The following NPHP4 variants were observed in gnomAD, a reference collection of about 807,000 sequenced individuals.
NPHP4 encodes the protein nephrocystin 4, also known as nephrocystin-4.
A neutral mutation model predicts 155.8 loss-of-function variants in NPHP4; 151 were observed. The ratio of observed to expected loss-of-function variants is 0.97; its 90% CI spans 0.85 to 1.11. The LOEUF is 1.11. NPHP4 is among the 50% of genes least tolerant of loss of function. The pLI, the probability that NPHP4 is intolerant of heterozygous loss-of-function variation, is 0.00. For synonymous variants in NPHP4, 845 were observed against 816.8 expected (o/e 1.03, Z -0.59); for missense variants, 1,956 against 1,925.7 (o/e 1.02, Z -0.29).
At chr1:5,990,343 A>G (rs1250489886) in intron 1 of NPHP4, among the ~76,000 whole-genome samples, 1 of 152,156 alleles carries the variant, frequency 6.6e-6, no homozygotes, top group Non-Finnish European at 1.5e-5. Context: ...AATGCCCTGG[A>G]GGAAGTGCAG....
chr1:5,955,680 G>A (rs923523273), intron 6 of NPHP4, among the ~76,000 whole-genome samples: 7 of 152,210 alleles, frequency 4.6e-5, no homozygotes. Flanking sequence ...TCATATGTGG[G>A]ATCTCAAAAA....
At chr1:5,914,486 C>A (rs1381319890) in intron 11 of NPHP4, among the ~76,000 whole-genome samples, 1 of 152,140 alleles carries the variant, frequency 6.6e-6, no homozygotes, top group Non-Finnish European at 1.5e-5. Context: ...TGCCAGGCTG[C>A]GGTGTCCATG....
At chr1:5,974,556 G>A (rs1180122293) in intron 3 of NPHP4, among the ~76,000 whole-genome samples, 1 of 152,102 alleles carries the variant, frequency 6.6e-6, no homozygotes, top group Admixed American at 6.5e-5. Context: ...CTGGCTCAGA[G>A]GAAGTGGAGG....
Position 5,914,257 on chromosome 1 carries a change from C to CAAAAAAAAAAAAAAA in NPHP4, c.1442-5059_1442-5045dup, listed in dbSNP as rs575438284. ...GCAACATGGCAAAATCTTATCTATA[C>CAAAAAAAAAAAAAAA]AAAAAAAAAAAAAAAAAAAAAAAAA... On this transcript the variant is annotated intron_variant, in intron 11 of 29. Transcript: ENST00000378156. 2.3e-4 allele frequency among the ~76,000 whole-genome samples: 11 copies of CAAAAAAAAAAAAAAA among 47,394 alleles called. 1 individual carries two copies. The highest frequency in any genetic ancestry group is 1.8e-3 in the East Asian group (2 of 1,108). 31.1% of individuals were successfully genotyped at this position (47,394 alleles called of 152,430 possible). A position where few individuals can be genotyped will look rare whatever the true frequency, so the allele number is the denominator to read the frequency against.
chr1:5,921,199 G>A (rs1046055860), intron 11 of NPHP4, among the ~76,000 whole-genome samples: 5 of 152,294 alleles, frequency 3.3e-5, no homozygotes, highest in Middle Eastern at 3.4e-3. Context: ...CACCTGATAC[G>A]CATAGATCTA....
intron 26 of NPHP4, chr1:5,865,934 G>A: frequency 4.7e-6 from 1 of 214,336 alleles, no homozygotes; most frequent in Non-Finnish European, 9.5e-6. Flanking sequence ...TCCGACTTAG[G>A]AGGGGAGGGG....
At chr1:5,947,004 T>C (rs1447177155) in intron 9 of NPHP4, 100 bp downstream of exon 9, 4 of 1,196,348 alleles carry the variant, frequency 3.3e-6, no homozygotes, top group Admixed American at 3.5e-5. Context: ...ATAATAATCA[T>C]GCCTGTTTTT....
chr1:5,893,109 A>C (rs1644220246), intron 16 of NPHP4, among the ~76,000 whole-genome samples: 1 of 152,200 alleles, frequency 6.6e-6, no homozygotes, highest in South Asian at 2.1e-4. Context: ...CAGAAAAAAC[A>C]ACTTTTCAAG....
intron 9 of NPHP4, among the ~76,000 whole-genome samples, chr1:5,945,009 C>T (rs530703948): frequency 8.5e-5 from 13 of 152,294 alleles, no homozygotes; most frequent in African/African-American, 3.1e-4. Flanking sequence ...TCACCCGCAC[C>T]CGCACCCCAG....
intron 10 of NPHP4, among the ~76,000 whole-genome samples, 183 bp from the exon 11 acceptor site, chr1:5,927,970 T>A (rs772701574): frequency 2.6e-5 from 4 of 152,184 alleles, no homozygotes; most frequent in Non-Finnish European, 4.4e-5. Flanking sequence ...TGGTGTGGCA[T>A]TAAAAGCCCT....
At chr1:5,977,844 G>GGGAAGAAA (rs1653920850) in intron 3 of NPHP4, among the ~76,000 whole-genome samples, 1 of 119,332 alleles carries the variant, frequency 8.4e-6, no homozygotes, top group South Asian at 3.1e-4. Flanking sequence ...ACAGGAGGGA[G>GGGAAGAAA]GGAAGAAAGG....
chr1:5,918,734 T>C lies in NPHP4; in HGVS notation c.1441+8915A>G, dbSNP rs150225208. Reference sequence around the variant, plus strand: ...TACAAACTTTATCACAGCATCCTTGTAAACTAGAGGAAATTGGCCATTTTT... The same window carrying C: ...TACAAACTTTATCACAGCATCCTTGCAAACTAGAGGAAATTGGCCATTTTT... On this transcript the variant is annotated intron_variant, in intron 11 of 29. Coordinates refer to ENST00000378156, the MANE Select transcript of NPHP4 (RefSeq NM_015102.5). Among the ~76,000 whole-genome samples, 18 of 152,346 alleles carry C rather than the reference T, an allele frequency of 1.2e-4. No individual in the cohort carries two copies. The East Asian group carries it at 3.5e-3, about 29-fold the overall frequency.
chr1:5,967,271 T>C, intron 5 of NPHP4, 28 bp downstream of exon 5: 1 of 1,575,400 alleles, frequency 6.3e-7, no homozygotes, highest in East Asian at 2.3e-5. Context: ...GAGCAGTGAG[T>C]GCTGCCAAGG....
At chr1:5,936,831 T>C (rs1000975368) in intron 9 of NPHP4, among the ~76,000 whole-genome samples, 3 of 152,226 alleles carry the variant, frequency 2.0e-5, no homozygotes, top group Non-Finnish European at 4.4e-5. Flanking sequence ...AACCTGTGGC[T>C]GTGGCTTTGT....
intron 2 of NPHP4, among the ~76,000 whole-genome samples, chr1:5,982,808 T>C (rs1473163563): frequency 6.6e-6 from 1 of 152,246 alleles, no homozygotes; most frequent in Non-Finnish European, 1.5e-5. Flanking sequence ...TCCAGTATGT[T>C]AATTTCCTAT....
At chr1:5,965,907 A>G (rs1380600210) in intron 5 of NPHP4, among the ~76,000 whole-genome samples, 1 of 152,108 alleles carries the variant, frequency 6.6e-6, no homozygotes, top group African/African-American at 2.4e-5. Context: ...CGTTTTGAAC[A>G]CTGTGTCCCA....
In NPHP4 at chr1:5,905,916, T is replaced by A; in HGVS notation, c.1612-133A>T. On this transcript the variant is annotated intron_variant, in intron 13 of 29. Coordinates refer to ENST00000378156, the MANE Select transcript of NPHP4 (RefSeq NM_015102.5). This position sits in a 1 kb window ranked among gnomAD's most constrained non-coding sequence, Gnocchi z 4.0. Reference sequence around the variant, plus strand: ...TGCCAGCTCTAGCAAATACAAAAGGTTCAATTACACTTGAATTTCAGGTAA... The same window carrying A: ...TGCCAGCTCTAGCAAATACAAAAGGATCAATTACACTTGAATTTCAGGTAA... 1 of 743,440 alleles carries A rather than the reference T, an allele frequency of 1.3e-6. No homozygotes were observed. 46.1% of individuals were successfully genotyped at this position (743,440 alleles called of 1,614,324 possible).
chr1:5,953,756 C>T (rs1648648071), intron 6 of NPHP4, among the ~76,000 whole-genome samples: 1 of 152,168 alleles, frequency 6.6e-6, no homozygotes, highest in African/African-American at 2.4e-5. Context: ...GCCTGGGGAG[C>T]CTTCTCCACT....
Position 5,904,654 on chromosome 1 carries a change from G to A in NPHP4, c.2106C>T (p.Ile702=), listed in dbSNP as rs770609016. ...GQPSSGALTH[I]LVPVSRDGTF... ...TGCCATCTCTGCTCACAGGCACGAG[G>A]ATGTGGGTCAGGGCGCCAGAGCTGG... Residue 702 remains isoleucine (I), a synonymous_variant, in exon 16 of 30, where the codon ATC becomes ATT. Coordinates refer to ENST00000378156, the MANE Select transcript of NPHP4 (RefSeq NM_015102.5). 4 of 1,613,460 alleles carry A rather than the reference G, an allele frequency of 2.5e-6. No homozygotes were observed. Among genetic ancestry groups the A allele is most frequent in the Admixed American group, 1.7e-5 (1 of 60,010 alleles).
Sources: gnomAD v4.1 joint callset for allele counts (sites outside exome capture counted in the v4.1 genomes callset) on GRCh38, gnomAD v4.1.1 for gene constraint, Gnocchi (gnomAD v3.1) non-coding constraint, MANE v1.5 for transcripts, NCBI Gene and HGNC (gene_info 2026-07-23, HGNC 2026-07-21) for gene names.